Variants in RYR1 observed in about 807,000 individuals in gnomAD.
RYR1 encodes the protein central core disease of muscle.
Under a neutral mutation model 583.5 loss-of-function variants are expected in RYR1, and 342 were observed. The ratio of observed to expected loss-of-function variants is 0.59; its 90% confidence interval spans 0.54 to 0.64. The LOEUF (loss-of-function observed/expected upper bound fraction) is 0.64, where lower values mean the gene tolerates loss of function less well. RYR1 is among the 30% of genes least tolerant of loss of function. The pLI is 0.00. For missense variants in RYR1, 6,032 were observed against 6,917.2 expected, an observed-to-expected ratio of 0.87 and a Z score of 4.54; for synonymous variants, 2,791 against 2,822.5, an observed-to-expected ratio of 0.99 and a Z score of 0.35.
At chr19:38,505,711 C>T in intron 53 of RYR1, 95 bp from the exon 54 acceptor site, 2 of 1,488,308 alleles carry the variant, frequency 1.3e-6, no homozygotes, top group Non-Finnish European at 1.9e-6. Context: ...TGGACCATTG[C>T]CTAGCCACAT....
chr19:38,531,782 T>C (rs1191892161), intron 76 of RYR1, among the ~76,000 whole-genome samples: 1 of 152,148 alleles, frequency 6.6e-6, no homozygotes, highest in Non-Finnish European at 1.5e-5. Flanking sequence ...GGTATGTGCC[T>C]GTAGTCCCAA....
At position 38,499,558 on chromosome 19, in the gene RYR1, G is replaced by T. The variant is rs1359535088; in HGVS notation, c.7028-77G>T. 8.0e-6 allele frequency: 12 copies of T among 1,495,022 alleles called. No homozygotes were observed. The highest frequency in any genetic ancestry group is 1.4e-5 in the African/African-American group (1 of 72,646). 92.6% of individuals were successfully genotyped at this position (1,495,022 alleles called of 1,614,324 possible). A position where few individuals can be genotyped will look rare whatever the true frequency, so the allele number is the denominator to read the frequency against. On this transcript the variant is annotated intron_variant, in intron 43 of 105. Coordinates refer to ENST00000359596, the MANE Select transcript of RYR1 (RefSeq NM_000540.3). The surrounding 1 kb of genome is among the most constrained non-coding windows in gnomAD (Gnocchi z 7.3). ...GATGGGACCTGTGTTACCCCTGGAG[G>T]TGTTGGGTCCTGGGGCTGCATGGGG...
At chr19:38,486,344 TTTATTA>T (rs1408308068) in intron 34 of RYR1, 142 bp downstream of exon 34, 4 of 1,115,178 alleles carry the variant, frequency 3.6e-6, no homozygotes, top group East Asian at 2.4e-5. Flanking sequence ...CACCTTTCTT[TTTATTA>T]TTATTATTTT....
At chr19:38,521,325 A>G (rs559410600) in intron 67 of RYR1, among the ~76,000 whole-genome samples, 2 of 150,752 alleles carry the variant, frequency 1.3e-5, no homozygotes, top group African/African-American at 2.4e-5. Context: ...ATACAAGTAA[A>G]TGAATAAAAT....
Position 38,433,841 on chromosome 19 carries a change from A to C in RYR1, c.12A>C (p.Ala4=). The C allele has an allele frequency of 1.3e-6, 2 of 1,586,700 alleles. No individual in the cohort carries two copies. The highest frequency in any genetic ancestry group is 4.7e-5 in the East Asian group (2 of 42,592). Residue 4 remains alanine (A), a synonymous_variant, in exon 1 of 106, where the codon GCA becomes GCC. Coordinates refer to ENST00000359596, the MANE Select transcript of RYR1 (RefSeq NM_000540.3). ...CCGACCTCGACATCATGGGTGACGC[A>C]GAAGGCGAAGACGAGGTCCAGTTCC... MGD[A]EGEDEVQFLR...
In RYR1 at chr19:38,499,598, G is replaced by T; in HGVS notation, c.7028-37G>T. 8 of 1,594,146 alleles carry T rather than the reference G, an allele frequency of 5.0e-6. No individual in the cohort carries two copies. Among genetic ancestry groups the T allele is most frequent in the South Asian group, 1.1e-5 (1 of 90,644 alleles). ...GCTGCATGGGGAGGTCTCTGATGGT[G>T]GCTCATGAGACCCCCTTTCCCCATG... On this transcript the variant is annotated intron_variant, in intron 43 of 105. Coordinates refer to ENST00000359596, the MANE Select transcript of RYR1 (RefSeq NM_000540.3). The surrounding 1 kb of genome is among the most constrained non-coding windows in gnomAD (Gnocchi z 7.3).
At chr19:38,575,619 A>G (rs374199555) in intron 96 of RYR1, among the ~76,000 whole-genome samples, 1 of 152,134 alleles carries the variant, frequency 6.6e-6, no homozygotes, top group Non-Finnish European at 1.5e-5. Context: ...CCTGGCCAAC[A>G]TGGCAAAACC....
At chr19:38,559,985 A>G (rs1463380571) in intron 89 of RYR1, among the ~76,000 whole-genome samples, 1 of 151,802 alleles carries the variant, frequency 6.6e-6, no homozygotes, top group East Asian at 1.9e-4. Flanking sequence ...GAGTGCGGTC[A>G]AGAACATTTT....
intron 1 of RYR1, among the ~76,000 whole-genome samples, chr19:38,439,654 G>A (rs1031361686): frequency 3.3e-5 from 5 of 151,570 alleles, no homozygotes; most frequent in Admixed American, 2.0e-4. Flanking sequence ...CTACAGGCGT[G>A]CACCACCACA....
chr19:38,466,316 C>A lies in RYR1; in HGVS notation c.3096C>A (p.Arg1032=). 1 of 1,608,822 alleles carries A rather than the reference C, an allele frequency of 6.2e-7. No individual in the cohort carries two copies. The highest frequency in any genetic ancestry group is 1.7e-5 in the Admixed American group (1 of 59,586). The change falls in exon 24 of 106, where the codon CGC becomes CGA. Residue 1032 remains arginine, a synonymous_variant. Transcript: ENST00000359596. ...PYRLLDEATK[R]SNRDSLCQAV... ...GCCTGCTGGATGAAGCCACCAAGCGCAGCAACCGGGACAGCCTCTGCCAGG... is the reference window on the plus strand; with the variant it reads ...GCCTGCTGGATGAAGCCACCAAGCGAAGCAACCGGGACAGCCTCTGCCAGG...
chr19:38,514,393 G>A (rs2145670658), intron 63 of RYR1, among the ~76,000 whole-genome samples: 1 of 150,262 alleles, frequency 6.7e-6, no homozygotes, highest in Non-Finnish European at 1.5e-5. Context: ...TGATTCTCCT[G>A]CCTCAGCCCC....
At chr19:38,503,427 C>A (rs1340588617) in intron 49 of RYR1, among the ~76,000 whole-genome samples, 1 of 152,178 alleles carries the variant, frequency 6.6e-6, no homozygotes, top group Non-Finnish European at 1.5e-5. Context: ...ATACCCCCAA[C>A]TCAGATATTT....
intron 100 of RYR1, 80 bp from the exon 101 acceptor site, chr19:38,580,290 C>CG: frequency 1.3e-6 from 2 of 1,597,144 alleles, no homozygotes; most frequent in Non-Finnish European, 8.5e-7. Context: ...GGGACTGAAC[C>CG]GGGGCCAGGA....
In RYR1 at chr19:38,538,028, A is replaced by G. The variant is rs113827482; in HGVS notation, c.11689+68A>G. 33,701 of 1,474,626 alleles carry G rather than the reference A, an allele frequency of 0.023. 799 individuals are homozygous for G. Among genetic ancestry groups the G allele is most frequent in the Admixed American group, 0.1 (5,930 of 59,534 alleles). 91.3% of individuals were successfully genotyped at this position (1,474,626 alleles called of 1,614,324 possible). A position where few individuals can be genotyped will look rare whatever the true frequency, so the allele number is the denominator to read the frequency against. ...GGGCTGGTACGGAAGGGTTGACTGA[A>G]TTAGTTTCCGCCCCTCCTCCTCCCC... On this transcript the variant is annotated intron_variant, in intron 84 of 105. Coordinates refer to ENST00000359596, the MANE Select transcript of RYR1 (RefSeq NM_000540.3).
At chr19:38,587,045 A>T (rs1017843462) in intron 105 of RYR1, among the ~76,000 whole-genome samples, 12 of 152,032 alleles carry the variant, frequency 7.9e-5, no homozygotes, top group African/African-American at 2.7e-4. Flanking sequence ...ACAGCGGGAG[A>T]ATTGCTTGAG....
At position 38,494,562 on chromosome 19, in the gene RYR1, T is replaced by A. The variant is rs1969716566; in HGVS notation, c.6485T>A (p.Ile2162Asn). Residue 2162 changes from isoleucine (I) to asparagine (N), a missense_variant, in exon 39 of 106, where the codon ATC (isoleucine) becomes AAC (asparagine). Coordinates refer to ENST00000359596, the MANE Select transcript of RYR1 (RefSeq NM_000540.3). Reference sequence around the variant, plus strand: ...AGCCTGCTCGAGTGCCTCGGCCAGATCCGCTCGCTGCTCATCGTGCAGATG... The same window carrying A: ...AGCCTGCTCGAGTGCCTCGGCCAGAACCGCTCGCTGCTCATCGTGCAGATG... ...TMSLLECLGQ[I>N]RSLLIVQMGP... 6.2e-7 allele frequency: 1 copy of A among 1,613,998 alleles called. No homozygotes were observed. The highest frequency in any genetic ancestry group is 1.7e-5 in the Admixed American group (1 of 60,006).
At chr19:38,586,261 A>T in intron 104 of RYR1, 70 bp downstream of exon 104, 1 of 1,389,302 alleles carries the variant, frequency 7.2e-7, no homozygotes, top group Non-Finnish European at 1.0e-6. Context: ...TGGGGTACTT[A>T]GCTTTGGCCA....
intron 12 of RYR1, 54 bp from the exon 13 acceptor site, chr19:38,452,751 GGTTGCGGCAGTGAC>G (rs894651532): frequency 1.6e-5 from 23 of 1,425,528 alleles, no homozygotes; most frequent in South Asian, 1.2e-4. Context: ...GCGGGAGTGA[GGTTGCGGCAGTGAC>G]GTTGCGGCAG....
rs749781919 is a variant in RYR1 at position 38,455,266 on chromosome 19, A to C, written c.1472A>C (p.Asp491Ala). 16 of 1,613,884 alleles carry C rather than the reference A, an allele frequency of 9.9e-6. No individual in the cohort carries two copies. Among genetic ancestry groups the C allele is most frequent in the South Asian group, 3.3e-5 (3 of 91,064 alleles). Residue 491 changes from aspartate (D) to alanine (A), a missense_variant, in exon 14 of 106, where the codon GAC becomes GCC. By Grantham distance (126) the Asp-to-Ala change is moderately radical. This residue lies in a region of RYR1 where 2,627 missense variants were observed against 2,961.3 expected (regional missense o/e 0.89). Transcript: ENST00000359596. ...CTCTCCATGGTCCTGAATTGCATAGACCGCCTAAATGTCTACACCACTGCT... is the reference window on the plus strand; with the variant it reads ...CTCTCCATGGTCCTGAATTGCATAGCCCGCCTAAATGTCTACACCACTGCT... ...GMLSMVLNCI[D>A]RLNVYTTAAH...
Sources: allele counts gnomAD v4.1 joint callset (sites outside exome capture counted in the v4.1 genomes callset), GRCh38; gene constraint gnomAD v4.1.1; regional missense constraint gnomAD v4.1.1; non-coding constraint Gnocchi (gnomAD v3.1); transcripts MANE v1.5; gene names NCBI Gene and HGNC (gene_info 2026-07-23, HGNC 2026-07-21).